The following HMGA2 variants were observed in gnomAD, a reference collection of about 807,000 sequenced individuals.
HMGA2 encodes high mobility group AT-hook 2, also known as high mobility group protein HMGI-C.
Under a neutral mutation model 19.1 loss-of-function variants are expected in HMGA2, and 8 were observed. The ratio of observed to expected loss-of-function variants is 0.42; its 90% CI spans 0.25 to 0.76. HMGA2 has a LOEUF of 0.76. HMGA2 is among the 30% of genes least tolerant of loss of function. HMGA2 has a pLI of 0.28. For missense variants in HMGA2, 109 were observed against 136.3 expected (o/e 0.80, Z 1.00); for synonymous variants, 60 against 48.8 (o/e 1.23, Z -0.96).
intron 3 of HMGA2, among the ~76,000 whole-genome samples, chr12:65,907,433 G>A (rs1162688418): frequency 2.7e-5 from 4 of 149,900 alleles, no homozygotes; most frequent in Admixed American, 6.7e-5. Context: ...AAAAAAAAAG[G>A]TGGGGGGTAA....
chr12:65,959,967 G>A lies in HMGA2; in HGVS notation c.283-3278G>A, dbSNP rs544777732. Among the ~76,000 whole-genome samples the A allele has an allele frequency of 3.9e-5, 6 of 152,122 alleles. No individual in the cohort carries two copies. In the East Asian group the frequency reaches 9.7e-4, roughly 25 times the overall value. On this transcript the variant is annotated intron_variant, in intron 4 of 4. Transcript: ENST00000403681. ...TGCAGTGGCACCATCTCGGCTCACT[G>A]CAAGCTCTGCTTCCTGGGTTCACAG...
At chr12:65,911,911 A>G (rs1874861956) in intron 3 of HMGA2, among the ~76,000 whole-genome samples, 1 of 152,202 alleles carries the variant, frequency 6.6e-6, no homozygotes, top group Non-Finnish European at 1.5e-5. Flanking sequence ...TTATGTTACA[A>G]GCATGGCCAA....
chr12:65,960,922 G>A (rs1307865046), intron 4 of HMGA2, among the ~76,000 whole-genome samples: 1 of 152,192 alleles, frequency 6.6e-6, no homozygotes, highest in Non-Finnish European at 1.5e-5. Context: ...ATCAAGCAAA[G>A]TTTCTGGGAA....
At chr12:65,888,671 C>T (rs769437792) in intron 3 of HMGA2, among the ~76,000 whole-genome samples, 1 of 137,394 alleles carries the variant, frequency 7.3e-6, no homozygotes, top group Admixed American at 8.1e-5. Flanking sequence ...TCATGCCATT[C>T]TCCTGCCTCA....
intron 3 of HMGA2, among the ~76,000 whole-genome samples, chr12:65,876,370 C>A (rs973457143): frequency 3.3e-5 from 5 of 152,108 alleles, no homozygotes; most frequent in Non-Finnish European, 7.3e-5. Context: ...GAAACCATGG[C>A]ATAAAAAGTA....
chr12:65,880,415 A>G (rs987799649), intron 3 of HMGA2, among the ~76,000 whole-genome samples: 1 of 152,230 alleles, frequency 6.6e-6, no homozygotes, highest in Non-Finnish European at 1.5e-5. Context: ...TTTGTATTTA[A>G]AGATTAAAAT....
At chr12:65,860,505 G>A (rs1042385850) in intron 3 of HMGA2, among the ~76,000 whole-genome samples, 4 of 152,106 alleles carry the variant, frequency 2.6e-5, no homozygotes, top group African/African-American at 9.7e-5. Context: ...TCTTGTACTG[G>A]TAATTTTTGA....
chr12:65,928,589 T>C (rs1222921781), intron 3 of HMGA2, among the ~76,000 whole-genome samples: 1 of 152,228 alleles, frequency 6.6e-6, no homozygotes, highest in African/African-American at 2.4e-5. Context: ...AAACTTCACT[T>C]AAAACACAAA....
At chr12:65,834,509 G>A (rs1477853080) in intron 2 of HMGA2, among the ~76,000 whole-genome samples, 1 of 149,552 alleles carries the variant, frequency 6.7e-6, no homozygotes, top group East Asian at 2.0e-4. Context: ...CTTTCCTCTT[G>A]CCCTCCCTCC....
chr12:65,917,311 G>C (rs1875139069), intron 3 of HMGA2, among the ~76,000 whole-genome samples: 1 of 152,186 alleles, frequency 6.6e-6, no homozygotes, highest in South Asian at 2.1e-4. Context: ...CAGATCCCTG[G>C]AACGGGATTG....
rs147443626 is a variant in HMGA2 at position 65,865,944 on chromosome 12, C to A, written c.249+27375C>A. On this transcript the variant is annotated intron_variant, in intron 3 of 4. Coordinates refer to ENST00000403681, the MANE Select transcript of HMGA2 (RefSeq NM_003483.6). ...GGCATGAGCCACCACGCCTAGCCAT[C>A]CCCATCTATTTTTCACTAATATTCA... Among the ~76,000 whole-genome samples, 231 of 151,964 alleles carry A rather than the reference C, an allele frequency of 1.5e-3. 1 individual carries two copies. Among genetic ancestry groups the A allele is most frequent in the Non-Finnish European group, 2.8e-3 (192 of 67,946 alleles).
chr12:65,956,065 AC>A (rs1876596591), intron 4 of HMGA2: 1 of 145,358 alleles, frequency 6.9e-6, no homozygotes, highest in Non-Finnish European at 1.5e-5. Context: ...AAGCATTCTC[AC>A]TCTAACACTC....
At chr12:65,842,479 T>TA in intron 3 of HMGA2, 1 of 845,894 alleles carries the variant, frequency 1.2e-6, no homozygotes, top group Admixed American at 2.2e-5. Context: ...ACTAACCAAG[T>TA]ACCCTTGACA....
rs1870041063 is a variant in HMGA2, at chr12:65,824,732, TC to T, written c.-538del. The T allele has an allele frequency of 5.2e-6, 1 of 192,896 alleles. No homozygotes were observed. The highest frequency in any genetic ancestry group is 9.6e-6 in the Non-Finnish European group (1 of 103,844). The allele number at this position is 192,896 out of a possible 1,614,324, so 11.9% of individuals were successfully genotyped here. Reference sequence around the variant, plus strand: ...AATCTCTTCTCTCTCTCTCTCTCTCTCTCTCTCTCTCTCTCTCTCTCTCTCT... The same window carrying T: ...AATCTCTTCTCTCTCTCTCTCTCTCTTCTCTCTCTCTCTCTCTCTCTCTCT... On this transcript the variant is annotated 5_prime_UTR_variant, in exon 1 of 5. Coordinates refer to ENST00000403681, the MANE Select transcript of HMGA2 (RefSeq NM_003483.6).
At chr12:65,918,254 G>A (rs1875180343) in intron 3 of HMGA2, among the ~76,000 whole-genome samples, 1 of 152,162 alleles carries the variant, frequency 6.6e-6, no homozygotes, top group South Asian at 2.1e-4. Flanking sequence ...TTTCGTAAGA[G>A]TACCTGTCAG....
chr12:65,932,654 G>C (rs536736587), intron 3 of HMGA2, among the ~76,000 whole-genome samples: 9 of 152,348 alleles, frequency 5.9e-5, no homozygotes, highest in African/African-American at 2.2e-4. Context: ...GTGATAAATA[G>C]TGTGGAATGT....
At chr12:65,869,226 C>A (rs1592403532) in intron 3 of HMGA2, among the ~76,000 whole-genome samples, 1 of 152,122 alleles carries the variant, frequency 6.6e-6, no homozygotes, top group Admixed American at 6.5e-5. Flanking sequence ...TCACCATCAT[C>A]ATGTACATTC....
At chr12:65,901,842 C>A (rs551361774) in intron 3 of HMGA2, among the ~76,000 whole-genome samples, 1 of 151,894 alleles carries the variant, frequency 6.6e-6, no homozygotes, top group Non-Finnish European at 1.5e-5. Context: ...CCTTGTTATT[C>A]GAAGGACACA....
chr12:65,911,161 C>T (rs1223641300), intron 3 of HMGA2, among the ~76,000 whole-genome samples: 2 of 152,178 alleles, frequency 1.3e-5, no homozygotes, highest in African/African-American at 4.8e-5. Flanking sequence ...ATGTATCCAA[C>T]TCAATTGGTA....
Sources: gnomAD v4.1 joint callset for allele counts (sites outside exome capture counted in the v4.1 genomes callset) on GRCh38, gnomAD v4.1.1 for gene constraint, MANE v1.5 for transcripts, NCBI Gene and HGNC (gene_info 2026-07-23, HGNC 2026-07-21) for gene names.